Variants in NHSL1 observed in about 807,000 individuals in gnomAD.
NHSL1 encodes NHS-like protein 1.
NHSL1 carries 48 observed loss-of-function variants against 95.0 expected under a neutral mutation model. That is an observed-to-expected ratio of 0.51 (90% CI 0.40 to 0.64). The LOEUF (loss-of-function observed/expected upper bound fraction) is 0.64, where lower values mean the gene tolerates loss of function less well. Among genes scored for constraint, NHSL1 ranks in the 30% least tolerant of loss-of-function variants. The pLI, the probability that NHSL1 is intolerant of heterozygous loss-of-function variation, is 0.00. For synonymous variants in NHSL1, 783 were observed against 833.9 expected (o/e 0.94, Z 1.05); for missense variants, 1,971 against 2,077.7 (o/e 0.95, Z 1.00).
At chr6:138,672,532 C>T (rs901231068) in intron 1 of NHSL1, among the ~76,000 whole-genome samples, 1 of 152,062 alleles carries the variant, frequency 6.6e-6, no homozygotes, top group African/African-American at 2.4e-5. Context: ...TCTGTGAAGC[C>T]ATCTGAGGGG....
chr6:138,692,264 A>G lies in NHSL1; in HGVS notation c.96+212T>C. On this transcript the variant is annotated intron_variant, in intron 1 of 3. Transcript: ENST00000491526. This position sits in a 1 kb window ranked among gnomAD's most constrained non-coding sequence, Gnocchi z 4.0. ...CGCGCCCACTCTCTCGAGGTAGCCA[A>G]GACCCTCCAGGAGTCCGAAAGTCAC... 2.2e-6 allele frequency: 1 copy of G among 445,010 alleles called. No homozygotes were observed. The highest frequency in any genetic ancestry group is 4.5e-6 in the Non-Finnish European group (1 of 220,790). 27.6% of individuals were successfully genotyped at this position (445,010 alleles called of 1,614,324 possible).
intron 5 of NHSL1, chr6:138,435,129 G>A (rs1026219659): frequency 2.6e-5 from 4 of 154,758 alleles, no homozygotes; most frequent in Admixed American, 2.0e-4. Context: ...CAGGACAGAA[G>A]AAAAACCCAC....
rs114265778 is a variant in NHSL1, at chr6:138,514,745, C to T, written c.17-18374G>A. Among the ~76,000 whole-genome samples, 1,483 of 152,158 alleles carry T rather than the reference C, an allele frequency of 9.7e-3. 19 individuals are homozygous for T. The highest frequency in any genetic ancestry group is 0.034 in the African/African-American group (1,418 of 41,494). On this transcript the variant is annotated intron_variant, in intron 1 of 4. Transcript: ENST00000342260. ...CCAGCCTGGGGAACATAGGGAGACT[C>T]TGTCTCTACAAAAAATAAAAAATAC...
intron 1 of NHSL1, among the ~76,000 whole-genome samples, chr6:138,682,603 T>C (rs920527808): frequency 6.6e-6 from 1 of 151,482 alleles, no homozygotes; most frequent in African/African-American, 2.4e-5. Context: ...CCTCACCACT[T>C]AGCACTAACA....
intron 1 of NHSL1, among the ~76,000 whole-genome samples, chr6:138,553,483 T>A (rs1425715668): frequency 6.6e-6 from 1 of 152,238 alleles, no homozygotes; most frequent in Non-Finnish European, 1.5e-5. Flanking sequence ...ACTTGCTCAT[T>A]CACACTTAAC....
intron 1 of NHSL1, among the ~76,000 whole-genome samples, chr6:138,579,530 G>A (rs1784021801): frequency 6.6e-6 from 1 of 152,198 alleles, no homozygotes; most frequent in Non-Finnish European, 1.5e-5. Context: ...TTAACTGATA[G>A]GCGTATGCTT....
chr6:138,615,602 C>G (rs1038124007), intron 1 of NHSL1, among the ~76,000 whole-genome samples: 2 of 152,248 alleles, frequency 1.3e-5, no homozygotes, highest in East Asian at 3.8e-4. Context: ...TCCTGAGTAG[C>G]TAGGACTACA....
In NHSL1 at chr6:138,422,384, T is replaced by C. The variant is rs1434081109; in HGVS notation, c.*1697A>G. The C allele has an allele frequency of 6.6e-6, 1 of 152,134 alleles. No homozygotes were observed. Among genetic ancestry groups the C allele is most frequent in the African/African-American group, 2.4e-5 (1 of 41,410 alleles). The allele number at this position is 152,134 out of a possible 1,614,324, so 9.4% of individuals were successfully genotyped here. A position where few individuals can be genotyped will look rare whatever the true frequency, so the allele number is the denominator to read the frequency against. On this transcript the variant is annotated 3_prime_UTR_variant, in exon 8 of 8. Coordinates refer to ENST00000343505, the MANE Select transcript of NHSL1 (RefSeq NM_001144060.2). ...GAGAAGGGAAAGAGCCTTCATTCTT[T>C]AGGTTTGTTTTTGCCTCAAAGACAT...
rs187645966 is a variant in NHSL1 at position 138,672,966 on chromosome 6, G to A, written c.96+19510C>T. Among the ~76,000 whole-genome samples, 297 of 152,162 alleles carry A rather than the reference G, an allele frequency of 2.0e-3. 3 individuals carry two copies. Among genetic ancestry groups the A allele is most frequent in the African/African-American group, 6.9e-3 (287 of 41,506 alleles). On this transcript the variant is annotated intron_variant, in intron 1 of 3. Transcript: ENST00000491526. ...AGGGAGGCAGAGGTTGCAGTGAGCC[G>A]AGATCGCACCACTGCACTCCAATCT... is the stretch of plus-strand genomic sequence containing the variant.
At chr6:138,612,293 T>G (rs1243679939) in intron 1 of NHSL1, among the ~76,000 whole-genome samples, 1 of 152,094 alleles carries the variant, frequency 6.6e-6, no homozygotes. Context: ...CTCACACATA[T>G]GTACAGAAAC....
intron 1 of NHSL1, among the ~76,000 whole-genome samples, chr6:138,621,431 T>G (rs565122384): frequency 2.6e-4 from 40 of 152,116 alleles, no homozygotes; most frequent in Non-Finnish European, 5.1e-4. Context: ...AAAAGTTAAA[T>G]TAAAATACAA....
chr6:138,514,604 CTCTT>C (rs947380569), intron 1 of NHSL1, among the ~76,000 whole-genome samples: 3 of 152,162 alleles, frequency 2.0e-5, no homozygotes, highest in Non-Finnish European at 2.9e-5. Flanking sequence ...GTCTCCCTCT[CTCTT>C]TTTCTCTCTC....
chr6:138,489,000 G>A (rs959545393), intron 2 of NHSL1, among the ~76,000 whole-genome samples: 12 of 152,166 alleles, frequency 7.9e-5, no homozygotes, highest in African/African-American at 1.9e-4. Context: ...GGTGAGTGGC[G>A]AAAGGCATCT....
intron 1 of NHSL1, among the ~76,000 whole-genome samples, chr6:138,498,918 A>G (rs747671439): frequency 6.6e-6 from 1 of 152,212 alleles, no homozygotes; most frequent in Non-Finnish European, 1.5e-5. Flanking sequence ...TCTTCAAAGG[A>G]CTTCTTTTGA....
chr6:138,538,561 T>C (rs1012453944), intron 1 of NHSL1, among the ~76,000 whole-genome samples: 2 of 152,164 alleles, frequency 1.3e-5, no homozygotes, highest in African/African-American at 4.8e-5. Context: ...CATCCTCCCC[T>C]GAACCTGCTC....
intron 1 of NHSL1, among the ~76,000 whole-genome samples, chr6:138,561,750 T>C (rs942096632): frequency 2.6e-5 from 4 of 152,200 alleles, no homozygotes; most frequent in African/African-American, 4.8e-5. Context: ...ATGATGGTAT[T>C]GGTAGGGGAA....
chr6:138,504,442 G>A (rs77433019), upstream of NHSL1, among the ~76,000 whole-genome samples: 1,119 of 152,340 alleles, frequency 7.3e-3, 17 homozygotes, highest in African/African-American at 0.025. Flanking sequence ...TAGGTAAAAT[G>A]ATAACACACA....
intron 1 of NHSL1, among the ~76,000 whole-genome samples, chr6:138,542,343 T>C (rs1344505410): frequency 2.6e-5 from 4 of 152,244 alleles, no homozygotes. Flanking sequence ...TGTGAGAGAA[T>C]ACATTTCTGG....
intron 5 of NHSL1, among the ~76,000 whole-genome samples, chr6:138,435,714 T>G (rs1021076439): frequency 6.7e-6 from 1 of 149,910 alleles, no homozygotes; most frequent in Non-Finnish European, 1.5e-5. Context: ...TAACTGGGGT[T>G]TTTTTTTTTG....
Sources: allele counts gnomAD v4.1 joint callset (sites outside exome capture counted in the v4.1 genomes callset), GRCh38; gene constraint gnomAD v4.1.1; non-coding constraint Gnocchi (gnomAD v3.1); transcripts MANE v1.5; gene names NCBI Gene and HGNC (gene_info 2026-07-23, HGNC 2026-07-21).